Variants in DLGAP1 observed in about 807,000 individuals in gnomAD.
DLGAP1 encodes DLG associated protein 1, also known as disks large-associated protein 1.
Under a neutral mutation model 90.8 loss-of-function variants are expected in DLGAP1, and 11 were observed. That is an observed-to-expected ratio of 0.12 (90% CI 0.08 to 0.20). The LOEUF (loss-of-function observed/expected upper bound fraction) is 0.20. Among genes scored for constraint, DLGAP1 ranks in the 10% least tolerant of loss-of-function variants. The pLI, the probability that DLGAP1 is intolerant of heterozygous loss-of-function variation, is 1.00. For synonymous variants in DLGAP1, 558 were observed against 540.7 expected (o/e 1.03, Z -0.44); for missense variants, 1,050 against 1,333.8 (o/e 0.79, Z 3.31).
intron 3 of DLGAP1, among the ~76,000 whole-genome samples, chr18:3,913,917 C>A (rs2072087513): frequency 6.6e-6 from 1 of 152,208 alleles, no homozygotes; most frequent in African/African-American, 2.4e-5. Flanking sequence ...AAATGGGAAA[C>A]CTGTTACTAA....
intron 1 of DLGAP1, among the ~76,000 whole-genome samples, chr18:4,340,580 A>C (rs1277523692): frequency 6.6e-6 from 1 of 152,084 alleles, no homozygotes; most frequent in African/African-American, 2.4e-5. Context: ...TATCTCATTT[A>C]ATGTCCACAA....
intron 3 of DLGAP1, among the ~76,000 whole-genome samples, chr18:3,958,742 G>A (rs957123192): frequency 6.6e-6 from 1 of 152,152 alleles, no homozygotes; most frequent in East Asian, 1.9e-4. Flanking sequence ...GGCATTGGGA[G>A]GAACTTCTCA....
At chr18:4,089,433 T>C (rs2075734523) in intron 2 of DLGAP1, among the ~76,000 whole-genome samples, 1 of 152,180 alleles carries the variant, frequency 6.6e-6, no homozygotes, top group Non-Finnish European at 1.5e-5. Context: ...ACATTCTTCG[T>C]AGAATTACAA....
At chr18:4,420,218 C>T (rs2144674102) in intron 1 of DLGAP1, among the ~76,000 whole-genome samples, 1 of 152,236 alleles carries the variant, frequency 6.6e-6, no homozygotes, top group East Asian at 1.9e-4. Context: ...ACAAACAAAT[C>T]TGCATTTATA....
chr18:3,820,155 A>G (rs1461189999), intron 4 of DLGAP1, among the ~76,000 whole-genome samples: 2 of 152,212 alleles, frequency 1.3e-5, no homozygotes, highest in Non-Finnish European at 2.9e-5. Flanking sequence ...CAGGATGGGA[A>G]GTTGCATGGT....
intron 8 of DLGAP1, among the ~76,000 whole-genome samples, chr18:3,576,116 C>T (rs985052010): frequency 1.5e-4 from 23 of 152,186 alleles, no homozygotes; most frequent in African/African-American, 4.8e-4. Context: ...TCCCAAACTA[C>T]ATTTCCTAGG....
intron 1 of DLGAP1, among the ~76,000 whole-genome samples, chr18:4,219,212 G>A (rs188451338): frequency 4.0e-5 from 6 of 151,260 alleles, no homozygotes; most frequent in African/African-American, 9.7e-5. Context: ...TTTAATTTGC[G>A]TTTCTCTAAT....
Position 4,234,226 on chromosome 18 carries a change from T to C in DLGAP1, c.-266-82939A>G, listed in dbSNP as rs151038959. 4.9e-4 allele frequency among the ~76,000 whole-genome samples: 74 copies of C among 152,204 alleles called. 1 individual carries two copies. Among genetic ancestry groups the C allele is most frequent in the Admixed American group, 2.6e-3 (40 of 15,278 alleles). On this transcript the variant is annotated intron_variant, in intron 1 of 12. Coordinates refer to ENST00000315677, the MANE Select transcript of DLGAP1 (RefSeq NM_004746.4). ...ACAAAGTACTGGAGAGGTTCCCAGA[T>C]AGCATATTTTTAAGACAGAAAATTA...
intron 1 of DLGAP1, among the ~76,000 whole-genome samples, chr18:4,427,208 C>A (rs1231021328): frequency 2.0e-5 from 3 of 152,148 alleles, no homozygotes; most frequent in Non-Finnish European, 4.4e-5. Flanking sequence ...GTAGTGATAT[C>A]ATATTGAGCA....
intron 2 of DLGAP1, among the ~76,000 whole-genome samples, chr18:4,061,473 AT>A (rs1314065576): frequency 7.2e-5 from 11 of 152,016 alleles, no homozygotes; most frequent in Admixed American, 7.2e-4. Flanking sequence ...AAAGTACAAC[AT>A]TTTTTTTGAG....
intron 5 of DLGAP1, among the ~76,000 whole-genome samples, chr18:3,763,511 C>A (rs770861976): frequency 6.6e-6 from 1 of 152,086 alleles, no homozygotes; most frequent in Admixed American, 6.6e-5. Flanking sequence ...TCTAGAGAAC[C>A]CTGACTAACA....
chr18:3,590,648 A>G (rs949096611), intron 7 of DLGAP1, among the ~76,000 whole-genome samples: 1 of 152,104 alleles, frequency 6.6e-6, no homozygotes, highest in Non-Finnish European at 1.5e-5. Flanking sequence ...TGGGGTCAGG[A>G]GTTTGAGACC....
chr18:4,359,631 C>T (rs1048977192), intron 1 of DLGAP1, among the ~76,000 whole-genome samples: 6 of 152,044 alleles, frequency 3.9e-5, no homozygotes, highest in Non-Finnish European at 5.9e-5. Context: ...CAGCCATGGA[C>T]CTAGCAATTG....
At chr18:3,706,670 G>A (rs184965250) in intron 7 of DLGAP1, among the ~76,000 whole-genome samples, 3 of 152,256 alleles carry the variant, frequency 2.0e-5, no homozygotes, top group East Asian at 3.9e-4. Flanking sequence ...TCTGAGTGAC[G>A]TCAGTGATGT....
At chr18:4,137,145 G>A (rs574548166) in intron 2 of DLGAP1, among the ~76,000 whole-genome samples, 4 of 151,966 alleles carry the variant, frequency 2.6e-5, no homozygotes, top group African/African-American at 7.3e-5. Context: ...GTGAGAACAT[G>A]CGGTGTTTGG....
At chr18:3,807,806 C>T (rs752636699) in intron 5 of DLGAP1, among the ~76,000 whole-genome samples, 12 of 152,128 alleles carry the variant, frequency 7.9e-5, no homozygotes, top group Non-Finnish European at 1.6e-4. Flanking sequence ...AGAAAAGTAT[C>T]GGGACTTTCT....
intron 3 of DLGAP1, among the ~76,000 whole-genome samples, chr18:3,945,342 A>C (rs1034112398): frequency 1.1e-4 from 17 of 152,214 alleles, no homozygotes; most frequent in Admixed American, 7.9e-4. Flanking sequence ...ACATCTTACA[A>C]GATGGAAGCA....
intron 1 of DLGAP1, among the ~76,000 whole-genome samples, chr18:4,167,085 C>CA (rs1046278877): frequency 4.3e-4 from 65 of 151,740 alleles, no homozygotes; most frequent in African/African-American, 1.4e-3. Flanking sequence ...AGACAGACTC[C>CA]AAAAAATGTT....
chr18:3,620,395 C>T (rs183293590), intron 7 of DLGAP1, among the ~76,000 whole-genome samples: 47 of 152,092 alleles, frequency 3.1e-4, no homozygotes, highest in Non-Finnish European at 5.9e-4. Flanking sequence ...GCAGCCCTGC[C>T]GACCCATTTC....
Sources: allele counts gnomAD v4.1 joint callset (sites outside exome capture counted in the v4.1 genomes callset), GRCh38; gene constraint gnomAD v4.1.1; transcripts MANE v1.5; gene names NCBI Gene and HGNC (gene_info 2026-07-23, HGNC 2026-07-21).